The following FTO variants were observed in gnomAD, a reference collection of about 807,000 sequenced individuals.
The protein encoded by FTO is alpha-ketoglutarate-dependent dioxygenase FTO.
FTO carries 47 observed loss-of-function variants against 63.9 expected under a neutral mutation model. That is an observed-to-expected ratio of 0.74 (90% confidence interval 0.58 to 0.94). The LOEUF (loss-of-function observed/expected upper bound fraction) is 0.94. Ranked by LOEUF, FTO falls within the 40% of genes least tolerant of loss-of-function variation. FTO has a pLI of 0.00. For synonymous variants in FTO, 207 were observed against 224.4 expected, an observed-to-expected ratio of 0.92 and a Z score of 0.69; for missense variants, 562 against 618.1, an observed-to-expected ratio of 0.91 and a Z score of 0.96.
intron 7 of FTO, among the ~76,000 whole-genome samples, chr16:53,909,532 CTTTTTTTTTTTTTTTT>C (rs58121446): frequency 2.8e-5 from 2 of 71,194 alleles, no homozygotes; most frequent in Admixed American, 1.5e-4. Flanking sequence ...AGAGCCCCGC[CTTTTTTTTTTTTTTTT>C]TTTTTTTTTT....
At chr16:54,100,518 A>G (rs929929696) in intron 8 of FTO, among the ~76,000 whole-genome samples, 7 of 151,854 alleles carry the variant, frequency 4.6e-5, no homozygotes, top group Non-Finnish European at 1.0e-4. Context: ...ATGGCTGACT[A>G]GTCTTTTTAA....
At chr16:53,966,553 C>T (rs1449383351) in intron 8 of FTO, among the ~76,000 whole-genome samples, 1 of 152,196 alleles carries the variant, frequency 6.6e-6, no homozygotes, top group Non-Finnish European at 1.5e-5. Context: ...ATTCATAGAG[C>T]AGGTCTTTCT....
chr16:53,825,617 T>G (rs1320191209), intron 2 of FTO, among the ~76,000 whole-genome samples: 1 of 152,154 alleles, frequency 6.6e-6, no homozygotes, highest in Non-Finnish European at 1.5e-5. Context: ...CACATTATTA[T>G]TTTTTGTTTT....
At chr16:53,716,998 CT>C (rs561885213) in intron 1 of FTO, among the ~76,000 whole-genome samples, 7 of 150,764 alleles carry the variant, frequency 4.6e-5, no homozygotes, top group South Asian at 4.2e-4. Flanking sequence ...TTTTACTCTG[CT>C]TTTTTTTACC....
intron 1 of FTO, among the ~76,000 whole-genome samples, chr16:53,747,354 A>C (rs1405221965): frequency 6.6e-6 from 1 of 151,976 alleles, no homozygotes; most frequent in Non-Finnish European, 1.5e-5. Flanking sequence ...ACTAAAACTT[A>C]TTTTTATCTC....
At chr16:53,910,376 C>T (rs940870662) in intron 7 of FTO, among the ~76,000 whole-genome samples, 1 of 152,066 alleles carries the variant, frequency 6.6e-6, no homozygotes, top group African/African-American at 2.4e-5. Flanking sequence ...ATCCAATCGA[C>T]CCATTCTTCA....
chr16:54,085,673 G>A (rs1473604265), intron 8 of FTO, among the ~76,000 whole-genome samples: 5 of 152,188 alleles, frequency 3.3e-5, no homozygotes, highest in East Asian at 1.9e-4. Context: ...TAAGTAAGGA[G>A]CATAGAGATG....
chr16:53,722,524 T>G (rs1029875816), intron 1 of FTO, among the ~76,000 whole-genome samples: 1 of 152,144 alleles, frequency 6.6e-6, no homozygotes, highest in Non-Finnish European at 1.5e-5. Context: ...AGAAAATATT[T>G]TGTTTAGAAA....
chr16:54,049,845 C>T (rs547782237), intron 8 of FTO, among the ~76,000 whole-genome samples: 178 of 152,284 alleles, frequency 1.2e-3, no homozygotes, highest in African/African-American at 4.1e-3. Flanking sequence ...TCATGTAGAG[C>T]CTGAATGAGG....
intron 8 of FTO, among the ~76,000 whole-genome samples, chr16:54,023,623 C>T (rs900147121): frequency 2.0e-5 from 3 of 152,180 alleles, no homozygotes; most frequent in African/African-American, 4.8e-5. Flanking sequence ...GTAGCATTCT[C>T]GTTAATCTAC....
intron 4 of FTO, among the ~76,000 whole-genome samples, chr16:53,867,191 T>C (rs2151865131): frequency 6.6e-6 from 1 of 152,188 alleles, no homozygotes; most frequent in East Asian, 1.9e-4. Context: ...CAACTATCTT[T>C]CTGTTATTAT....
At chr16:53,827,237 A>G (rs1040668226) in intron 3 of FTO, among the ~76,000 whole-genome samples, 1 of 152,086 alleles carries the variant, frequency 6.6e-6, no homozygotes, top group African/African-American at 2.4e-5. Flanking sequence ...CTCTTCTTCT[A>G]TTATTGTTTC....
chr16:53,892,679 T>C (rs1037185999), intron 7 of FTO, among the ~76,000 whole-genome samples: 3 of 152,298 alleles, frequency 2.0e-5, no homozygotes, highest in Non-Finnish European at 4.4e-5. Flanking sequence ...ATCGATCTCT[T>C]TTGCTGAGAA....
At chr16:53,744,529 G>A (rs978335101) in intron 1 of FTO, among the ~76,000 whole-genome samples, 1 of 152,170 alleles carries the variant, frequency 6.6e-6, no homozygotes, top group Non-Finnish European at 1.5e-5. Flanking sequence ...CAGGCAGGGG[G>A]CACTTACTCT....
chr16:53,885,665 A>G (rs959422324), intron 6 of FTO, among the ~76,000 whole-genome samples: 2 of 152,214 alleles, frequency 1.3e-5, no homozygotes, highest in African/African-American at 4.8e-5. Context: ...TGCCTAACAG[A>G]TAGTAGGCAG....
chr16:53,854,871 G>A (rs1046809221), intron 4 of FTO, among the ~76,000 whole-genome samples: 4 of 152,054 alleles, frequency 2.6e-5, no homozygotes, highest in Non-Finnish European at 5.9e-5. Context: ...ATTTGTTTGG[G>A]CAGTATGGTC....
chr16:54,007,809 T>C (rs1345353426), intron 8 of FTO, among the ~76,000 whole-genome samples: 1 of 152,230 alleles, frequency 6.6e-6, no homozygotes, highest in Non-Finnish European at 1.5e-5. Flanking sequence ...TCAAAAAATC[T>C]CTCAACTTGT....
intron 1 of FTO, among the ~76,000 whole-genome samples, chr16:53,753,951 A>C (rs900208458): frequency 5.3e-5 from 8 of 152,184 alleles, no homozygotes; most frequent in Non-Finnish European, 1.2e-4. Context: ...TTTCATTTGC[A>C]TTAGATGGCA....
intron 8 of FTO, among the ~76,000 whole-genome samples, chr16:54,046,101 TCTG>T (rs2085166499): frequency 1.1e-5 from 1 of 92,182 alleles, no homozygotes; most frequent in Non-Finnish European, 1.8e-5. Flanking sequence ...TGTTGGAAGT[TCTG>T]GCCAGGGCAA....
Sources: allele counts gnomAD v4.1 joint callset (sites outside exome capture counted in the v4.1 genomes callset), GRCh38; gene constraint gnomAD v4.1.1; transcripts MANE v1.5; gene names NCBI Gene and HGNC (gene_info 2026-07-23, HGNC 2026-07-21).